Variants in MYO16 observed in about 807,000 individuals in gnomAD.
The protein encoded by MYO16 is myosin XVI, also known as unconventional myosin-XVI.
In MYO16, 94 loss-of-function variants were observed where a neutral mutation model predicts 205.3. That is an observed-to-expected ratio of 0.46 (90% CI 0.39 to 0.54). The LOEUF is 0.54. Ranked by LOEUF, MYO16 falls within the 20% of genes least tolerant of loss-of-function variation. The probability of loss-of-function intolerance (pLI) is 0.00; values close to 1 mark genes in which losing one functional copy is unlikely to be tolerated. For synonymous variants in MYO16, 988 were observed against 954.0 expected, an observed-to-expected ratio of 1.04 and a Z score of -0.66; for missense variants, 2,315 against 2,387.5, an observed-to-expected ratio of 0.97 and a Z score of 0.63.
chr13:108,911,064 C>G (rs149766801), intron 16 of MYO16, among the ~76,000 whole-genome samples: 3,614 of 135,478 alleles, frequency 0.027, 125 homozygotes, highest in African/African-American at 0.085. Flanking sequence ...CACACACACA[C>G]ACAGAGAGAG....
At chr13:108,607,462 G>C (rs207474429) in intron 1 of MYO16, among the ~76,000 whole-genome samples, 1 of 152,114 alleles carries the variant, frequency 6.6e-6, no homozygotes, top group Non-Finnish European at 1.5e-5. Context: ...GATTTTATAA[G>C]GGGCTTTTCC....
At chr13:108,546,735 G>A in the MYO16 span, among the ~76,000 whole-genome samples, 3 of 152,128 alleles carry the variant, frequency 2.0e-5, no homozygotes, top group African/African-American at 4.8e-5. Context: ...ATGCAACACA[G>A]AACCCCAAAG....
chr13:108,852,823 G>T (rs146489549), intron 10 of MYO16, among the ~76,000 whole-genome samples: 34 of 152,298 alleles, frequency 2.2e-4, no homozygotes, highest in African/African-American at 7.9e-4. Flanking sequence ...ACTTTATGAA[G>T]TATAGACTAT....
chr13:108,617,896 C>T (rs1288546297), intron 1 of MYO16, among the ~76,000 whole-genome samples: 1 of 152,104 alleles, frequency 6.6e-6, no homozygotes, highest in Non-Finnish European at 1.5e-5. Flanking sequence ...CTTCCTTTTC[C>T]ACTCTGCTTC....
chr13:108,728,933 T>C (rs1000626822), intron 4 of MYO16, among the ~76,000 whole-genome samples: 7 of 152,062 alleles, frequency 4.6e-5, no homozygotes, highest in Non-Finnish European at 8.8e-5. Context: ...TTGTAGGAGG[T>C]TTAATTTTGT....
At chr13:109,146,711 C>T (rs971115084) in intron 32 of MYO16, among the ~76,000 whole-genome samples, 5 of 151,968 alleles carry the variant, frequency 3.3e-5, no homozygotes, top group Non-Finnish European at 5.9e-5. Context: ...GTGGGCAGAT[C>T]GCTTGAGCCT....
intron 32 of MYO16, among the ~76,000 whole-genome samples, chr13:109,157,094 C>G (rs1199688708): frequency 6.6e-6 from 1 of 152,066 alleles, no homozygotes; most frequent in Non-Finnish European, 1.5e-5. Context: ...GGTCCCAGTT[C>G]TCCCGCTCAG....
intron 16 of MYO16, among the ~76,000 whole-genome samples, chr13:108,939,980 T>C (rs1030869843): frequency 4.6e-5 from 7 of 152,202 alleles, no homozygotes; most frequent in African/African-American, 1.4e-4. Context: ...CCTGGTTAAA[T>C]ATTTCTTGGT....
intron 23 of MYO16, among the ~76,000 whole-genome samples, chr13:109,024,549 C>A (rs556481155): frequency 6.6e-6 from 1 of 152,170 alleles, no homozygotes; most frequent in East Asian, 1.9e-4. Flanking sequence ...TTTGGGAAAT[C>A]AACTAAGTTT....
chr13:108,953,288 G>A (rs931155250), intron 16 of MYO16, among the ~76,000 whole-genome samples: 1 of 152,146 alleles, frequency 6.6e-6, no homozygotes, highest in Admixed American at 6.5e-5. Context: ...TTTTCAAAAT[G>A]TTTATTTTAC....
In MYO16 at chr13:109,100,918, T is replaced by C. The variant is rs767278095; in HGVS notation, c.3438+31T>C. The C allele has an allele frequency of 2.5e-6, 4 of 1,569,056 alleles. No homozygotes were observed. The African/African-American group carries it at 4.0e-5, about 16-fold the overall frequency. ...TGACCTACAAGCTATGAAAATAACATTTTAGGATTTTAAATAAATGAGCTG... is the reference window on the plus strand; with the variant it reads ...TGACCTACAAGCTATGAAAATAACACTTTAGGATTTTAAATAAATGAGCTG... On this transcript the variant is annotated intron_variant, in intron 28 of 34. Coordinates refer to ENST00000457511, the MANE Select transcript of MYO16 (RefSeq NM_001198950.3).
chr13:108,713,968 A>T (rs1242678547), intron 3 of MYO16, among the ~76,000 whole-genome samples: 1 of 152,202 alleles, frequency 6.6e-6, no homozygotes, highest in Non-Finnish European at 1.5e-5. Context: ...ATTTTAAGCA[A>T]GCCTAGACTA....
chr13:108,753,764 C>A (rs1382664042), intron 4 of MYO16, among the ~76,000 whole-genome samples: 1 of 152,098 alleles, frequency 6.6e-6, no homozygotes, highest in Non-Finnish European at 1.5e-5. Flanking sequence ...TATAAAATGA[C>A]AATTAGCTGG....
chr13:109,062,891 C>T (rs77443304), intron 27 of MYO16, among the ~76,000 whole-genome samples: 2 of 152,136 alleles, frequency 1.3e-5, no homozygotes, highest in East Asian at 1.9e-4. Flanking sequence ...AATGTATTAT[C>T]CCTATGCAAA....
At chr13:109,030,191 G>T (rs1047082236) in intron 23 of MYO16, among the ~76,000 whole-genome samples, 1 of 148,580 alleles carries the variant, frequency 6.7e-6, no homozygotes, top group Non-Finnish European at 1.5e-5. Flanking sequence ...CTAGCGGATA[G>T]AATCACTTAA....
chr13:108,656,339 C>A (rs1464618349), intron 1 of MYO16, among the ~76,000 whole-genome samples: 2 of 152,142 alleles, frequency 1.3e-5, no homozygotes, highest in South Asian at 2.1e-4. Flanking sequence ...TTAAGAAGTG[C>A]CTTTTGCCTC....
chr13:109,153,664 C>A (rs1456790061), intron 32 of MYO16, among the ~76,000 whole-genome samples: 1 of 152,066 alleles, frequency 6.6e-6, no homozygotes, highest in African/African-American at 2.4e-5. Context: ...GAGGCTAAGG[C>A]AGGAGAATCA....
chr13:108,672,763 T>C (rs1320555150), intron 2 of MYO16, among the ~76,000 whole-genome samples: 1 of 152,138 alleles, frequency 6.6e-6, no homozygotes, highest in Non-Finnish European at 1.5e-5. Flanking sequence ...AAAAGGGAAG[T>C]CTGAGGGAGA....
At chr13:108,911,660 T>C (rs1035051845) in intron 16 of MYO16, among the ~76,000 whole-genome samples, 5 of 152,208 alleles carry the variant, frequency 3.3e-5, no homozygotes, top group East Asian at 3.9e-4. Context: ...GTTTTGAGTA[T>C]GCAAGAGAAT....
Sources: gnomAD v4.1 joint callset for allele counts (sites outside exome capture counted in the v4.1 genomes callset) on GRCh38, gnomAD v4.1.1 for gene constraint, MANE v1.5 for transcripts, NCBI Gene and HGNC (gene_info 2026-07-23, HGNC 2026-07-21) for gene names.